CEP164: variants seen among roughly 807,000 people sequenced by gnomAD.
CEP164 encodes centrosomal protein 164.
A neutral mutation model predicts 182.7 loss-of-function variants in CEP164; 162 were observed. That is an observed-to-expected ratio of 0.89 (90% CI 0.78 to 1.01). The LOEUF (loss-of-function observed/expected upper bound fraction) is 1.01, where lower values mean the gene tolerates loss of function less well. Ranked by LOEUF, CEP164 falls within the 50% of genes least tolerant of loss-of-function variation. CEP164 has a pLI of 0.00. For synonymous variants in CEP164, 661 were observed against 690.0 expected (o/e 0.96, Z 0.66); for missense variants, 1,735 against 1,790.4 (o/e 0.97, Z 0.56).
At chr11:117,390,193 T>C (rs2044451110) in intron 15 of CEP164, among the ~76,000 whole-genome samples, 1 of 151,768 alleles carries the variant, frequency 6.6e-6, no homozygotes, top group African/African-American at 2.4e-5. Context: ...TCCACCTACC[T>C]CGGCCTCCCA....
At chr11:117,359,175 C>G (rs2508664) in intron 5 of CEP164, among the ~76,000 whole-genome samples, 1 of 151,902 alleles carries the variant, frequency 6.6e-6, no homozygotes, top group Non-Finnish European at 1.5e-5. Flanking sequence ...AATTCCTGAC[C>G]TTAGGTAATC....
chr11:117,363,576 C>A, intron 8 of CEP164, 70 bp downstream of exon 8: 1 of 1,137,530 alleles, frequency 8.8e-7, no homozygotes, highest in Non-Finnish European at 1.3e-6. Context: ...TTAAGCCCTG[C>A]TACTTTGTTG....
In CEP164 at chr11:117,407,911, C is replaced by T. The variant is rs753813564; in HGVS notation, c.3502-14C>T. The T allele has an allele frequency of 1.3e-6, 2 of 1,569,464 alleles. No individual in the cohort carries two copies. Among genetic ancestry groups the T allele is most frequent in the Non-Finnish European group, 1.7e-6 (2 of 1,155,766 alleles). ...TGGGTAGTCATTTCTCCTCTGTTTT[C>T]TCCTTGGCTGCAGGAGACCAGGCAC... On this transcript the variant is annotated splice_polypyrimidine_tract_variant and intron_variant, in intron 27 of 32. Transcript: ENST00000278935.
intron 1 of CEP164, among the ~76,000 whole-genome samples, chr11:117,332,401 T>A (rs910116831): frequency 1.3e-5 from 2 of 151,918 alleles, no homozygotes; most frequent in Non-Finnish European, 2.9e-5. Context: ...ATGGAGAAAC[T>A]GCATCTCCAC....
In CEP164 at chr11:117,394,774, C is replaced by G. The variant is rs2136429181; in HGVS notation, c.2761-146C>G. 1 of 939,558 alleles carries G rather than the reference C, an allele frequency of 1.1e-6. No homozygotes were observed. The allele number at this position is 939,558 out of a possible 1,614,324, so 58.2% of individuals were successfully genotyped here. A position where few individuals can be genotyped will look rare whatever the true frequency, so the allele number is the denominator to read the frequency against. On this transcript the variant is annotated intron_variant, in intron 21 of 32. Transcript: ENST00000278935. The surrounding 1 kb of genome is among the most constrained non-coding windows in gnomAD (Gnocchi z 4.0). ...GAAGTAAACAAGGTGTGGAGCCTTC[C>G]TGGGAGGCTGCAGGGGCACACAGCG...
At position 117,409,949 on chromosome 11, in the gene CEP164, G is replaced by A; in HGVS notation, c.4080G>A (p.Trp1360Ter). The part of the protein sequence containing the change: ...QTVDDFLLEK[W>*]RKYFPSGIPL... ...TGGACGACTTCCTGTTGGAGAAGTG[G>A]CGCAAGTATTTTCCATGTAAGCCCC... Residue 1360 changes from tryptophan to a stop codon, truncating the protein, a stop_gained, in exon 30 of 33, where the codon TGG becomes TGA. Transcript: ENST00000278935. LOFTEE classifies it high-confidence loss of function. The surrounding 1 kb of genome is among the most constrained non-coding windows in gnomAD (Gnocchi z 4.4). The A allele has an allele frequency of 6.2e-7, 1 of 1,614,186 alleles. No individual in the cohort carries two copies. Among genetic ancestry groups the A allele is most frequent in the Non-Finnish European group, 8.5e-7 (1 of 1,180,030 alleles).
intron 5 of CEP164, among the ~76,000 whole-genome samples, chr11:117,358,109 A>G (rs1232681703): frequency 6.6e-6 from 1 of 152,172 alleles, no homozygotes; most frequent in Non-Finnish European, 1.5e-5. Context: ...TGTTAGCTTT[A>G]ATAACTACTG....
At chr11:117,337,346 T>TA (rs2037326364) in intron 2 of CEP164, among the ~76,000 whole-genome samples, 1 of 152,010 alleles carries the variant, frequency 6.6e-6, no homozygotes, top group African/African-American at 2.4e-5. Context: ...CATTTAACCT[T>TA]AATGACCTCA....
At chr11:117,360,324 T>C (rs2040788029) in intron 5 of CEP164, among the ~76,000 whole-genome samples, 2 of 152,074 alleles carry the variant, frequency 1.3e-5, no homozygotes, top group East Asian at 1.9e-4. Flanking sequence ...TGTGTCACCA[T>C]GTCCAGCAAA....
intron 27 of CEP164, among the ~76,000 whole-genome samples, chr11:117,399,025 G>A (rs2045846297): frequency 6.6e-6 from 1 of 151,960 alleles, no homozygotes. Context: ...TGGGATACAT[G>A]TGCAGACCAT....
intron 10 of CEP164, 38 bp downstream of exon 10, chr11:117,373,869 A>G: frequency 6.4e-7 from 1 of 1,574,374 alleles, no homozygotes; most frequent in Non-Finnish European, 8.7e-7. Flanking sequence ...GGTGGTGAAG[A>G]GCATAGATTT....
Position 117,411,048 on chromosome 11 carries a change from C to G in CEP164, c.4163+154C>G. Reference sequence around the variant, plus strand: ...TAGTCCACAGAGCTGTCCCCGCTTGCCTGGGTCTGAGGCGCCCCTCCATGA... The same window carrying G: ...TAGTCCACAGAGCTGTCCCCGCTTGGCTGGGTCTGAGGCGCCCCTCCATGA... On this transcript the variant is annotated intron_variant, in intron 31 of 32. Coordinates refer to ENST00000278935, the MANE Select transcript of CEP164 (RefSeq NM_014956.5). This position sits in a 1 kb window ranked among gnomAD's most constrained non-coding sequence, Gnocchi z 4.4. 1.5e-6 allele frequency: 1 copy of G among 675,746 alleles called. No homozygotes were observed. Among genetic ancestry groups the G allele is most frequent in the East Asian group, 2.8e-5 (1 of 36,024 alleles). 41.9% of individuals were successfully genotyped at this position (675,746 alleles called of 1,614,324 possible).
chr11:117,408,079 T>G, intron 28 of CEP164, 47 bp downstream of exon 28: 8 of 1,421,510 alleles, frequency 5.6e-6, no homozygotes, highest in Non-Finnish European at 7.8e-6. Context: ...GCCTTCCTCT[T>G]CTGTTCTTGG....
In CEP164 at chr11:117,410,000, C is replaced by A; in HGVS notation, c.4096+35C>A. Reference sequence around the variant, plus strand: ...ACTCTGGGCGGAGCCTTCCCACCTGCCTCCTCCTCCTCCTCTTCCTTCCTT... The same window carrying A: ...ACTCTGGGCGGAGCCTTCCCACCTGACTCCTCCTCCTCCTCTTCCTTCCTT... On this transcript the variant is annotated intron_variant, in intron 30 of 32. Transcript: ENST00000278935. This position sits in a 1 kb window ranked among gnomAD's most constrained non-coding sequence, Gnocchi z 4.4. 6.6e-7 allele frequency: 1 copy of A among 1,507,432 alleles called. No individual in the cohort carries two copies. The highest frequency in any genetic ancestry group is 9.2e-7 in the Non-Finnish European group (1 of 1,085,494). The allele number at this position is 1,507,432 out of a possible 1,614,324, so 93.4% of individuals were successfully genotyped here. A position where few individuals can be genotyped will look rare whatever the true frequency, so the allele number is the denominator to read the frequency against.
Position 117,390,934 on chromosome 11 carries a change from G to GC in CEP164, c.2066+29dup, listed in dbSNP as rs761087457. 3.7e-6 allele frequency: 6 copies of GC among 1,613,636 alleles called. No homozygotes were observed. In the African/African-American group the frequency reaches 5.3e-5, roughly 14 times the overall value. ...GTAAGTGTGTGCTTACCTGTGAGCT[G>GC]CCCAGCCCTGCGGAGGCGACCCCAG... On this transcript the variant is annotated intron_variant, in intron 16 of 32. Transcript: ENST00000278935.
intron 3 of CEP164, among the ~76,000 whole-genome samples, chr11:117,339,606 G>T (rs1333667172): frequency 1.6e-5 from 2 of 126,360 alleles, no homozygotes; most frequent in Non-Finnish European, 3.1e-5. Context: ...TTGGCTCACT[G>T]CAACCTCTCT....
rs761193547 is a variant in CEP164, at chr11:117,355,286, G to A, written c.393+3298G>A. On this transcript the variant is annotated intron_variant, in intron 5 of 32. Transcript: ENST00000278935. ...GAAGGCGACAGAGAAAATCTACCTG[G>A]GGTTTTCAGATCCTGAAACAGAAGA... The A allele has an allele frequency of 1.1e-5, 14 of 1,289,710 alleles. No individual in the cohort carries two copies. The African/African-American group carries it at 2.0e-4, about 18-fold the overall frequency. The allele number at this position is 1,289,710 out of a possible 1,614,324, so 79.9% of individuals were successfully genotyped here. A position where few individuals can be genotyped will look rare whatever the true frequency, so the allele number is the denominator to read the frequency against.
chr11:117,378,164 C>T (rs1020518428), intron 11 of CEP164, among the ~76,000 whole-genome samples: 8 of 152,194 alleles, frequency 5.3e-5, no homozygotes, highest in East Asian at 3.9e-4. Context: ...CCACCGTGCT[C>T]GGCAAACATA....
At position 117,411,990 on chromosome 11, in the gene CEP164, G is replaced by A. The variant is rs531887614; in HGVS notation, c.4286+73G>A. ...GCTTGTGCCCTGAGGGGCTGAGGAG[G>A]ATCCTGTTCAGCCTTTGACCCTTTC... On this transcript the variant is annotated intron_variant, in intron 32 of 32. Coordinates refer to ENST00000278935, the MANE Select transcript of CEP164 (RefSeq NM_014956.5). This position sits in a 1 kb window ranked among gnomAD's most constrained non-coding sequence, Gnocchi z 4.4. The A allele has an allele frequency of 1.9e-6, 3 of 1,610,852 alleles. No homozygotes were observed. Among genetic ancestry groups the A allele is most frequent in the Admixed American group, 1.7e-5 (1 of 59,914 alleles).
Sources: gnomAD v4.1 joint callset for allele counts (sites outside exome capture counted in the v4.1 genomes callset) on GRCh38, gnomAD v4.1.1 for gene constraint, Gnocchi (gnomAD v3.1) non-coding constraint, MANE v1.5 for transcripts, NCBI Gene and HGNC (gene_info 2026-07-23, HGNC 2026-07-21) for gene names.